RAI14: variants seen among roughly 807,000 people sequenced by gnomAD.
RAI14 encodes the protein ankycorbin.
Under a neutral mutation model 115.4 loss-of-function variants are expected in RAI14, and 45 were observed. The observed-to-expected ratio is 0.39, with a 90% CI of 0.31 to 0.50. RAI14 has a LOEUF of 0.50. Ranked by LOEUF, RAI14 falls within the 20% of genes least tolerant of loss-of-function variation. The probability of loss-of-function intolerance (pLI) is 0.85; values close to 1 mark genes in which losing one functional copy is unlikely to be tolerated. For synonymous variants in RAI14, 371 were observed against 415.4 expected, an observed-to-expected ratio of 0.89 and a Z score of 1.30; for missense variants, 939 against 1,131.2, an observed-to-expected ratio of 0.83 and a Z score of 2.44.
chr5:34,752,123 C>T (rs17593349), intron 2 of RAI14, among the ~76,000 whole-genome samples: 15,492 of 151,922 alleles, frequency 0.1, 929 homozygotes, highest in South Asian at 0.19. Context: ...AGGCTGGGCT[C>T]CTTAGTTGGG....
chr5:34,711,731 C>T (rs1340490197), intron 2 of RAI14, among the ~76,000 whole-genome samples: 2 of 152,194 alleles, frequency 1.3e-5, no homozygotes, highest in South Asian at 2.1e-4. Context: ...CAGACACCGA[C>T]TCTGACGTGA....
chr5:34,830,580 G>T, intron 17 of RAI14, 108 bp from the exon 18 acceptor site: 1 of 1,535,986 alleles, frequency 6.5e-7, no homozygotes, highest in South Asian at 1.2e-5. Flanking sequence ...TGAAAGATGT[G>T]GGAATTAGCC....
intron 2 of RAI14, among the ~76,000 whole-genome samples, chr5:34,754,559 C>T (rs577813262): frequency 9.9e-5 from 13 of 131,592 alleles, no homozygotes; most frequent in African/African-American, 3.2e-4. Context: ...CCCAACCTAG[C>T]TCTGCTTACT....
intron 2 of RAI14, among the ~76,000 whole-genome samples, chr5:34,711,273 A>G (rs368421593): frequency 1.3e-5 from 2 of 152,186 alleles, no homozygotes; most frequent in South Asian, 2.1e-4. Flanking sequence ...AGGTTTTGGG[A>G]TAGGCAGTGA....
intron 1 of RAI14, among the ~76,000 whole-genome samples, chr5:34,670,120 C>G (rs1037739721): frequency 6.6e-6 from 1 of 152,202 alleles, no homozygotes. Flanking sequence ...TTGGTCCATT[C>G]GTATTTCCTA....
chr5:34,784,723 T>C (rs1423905273), intron 3 of RAI14, among the ~76,000 whole-genome samples: 2 of 152,242 alleles, frequency 1.3e-5, no homozygotes, highest in East Asian at 3.8e-4. Flanking sequence ...TCTCTGGATC[T>C]ATTCTATTTA....
intron 4 of RAI14, among the ~76,000 whole-genome samples, chr5:34,796,847 TAC>T (rs746901045): frequency 2.6e-5 from 4 of 151,578 alleles, no homozygotes; most frequent in Non-Finnish European, 3.0e-5. Context: ...CACACACACA[TAC>T]ACACACACAC....
chr5:34,781,388 A>G (rs557143709), intron 3 of RAI14, among the ~76,000 whole-genome samples: 2 of 152,316 alleles, frequency 1.3e-5, no homozygotes, highest in East Asian at 1.9e-4. Context: ...TAAAAAAAGT[A>G]AAAGCTTATG....
At chr5:34,816,549 C>A (rs1756241989) in intron 12 of RAI14, among the ~76,000 whole-genome samples, 2 of 152,046 alleles carry the variant, frequency 1.3e-5, no homozygotes, top group East Asian at 1.9e-4. Flanking sequence ...CATTTAATAT[C>A]TGTTTAATAT....
chr5:34,704,294 A>T (rs528020456), intron 2 of RAI14, among the ~76,000 whole-genome samples: 1 of 152,338 alleles, frequency 6.6e-6, no homozygotes, highest in South Asian at 2.1e-4. Context: ...GAATAGAAAG[A>T]GGTTTAAATG....
intron 15 of RAI14, among the ~76,000 whole-genome samples, chr5:34,824,985 A>G (rs1051424123): frequency 2.0e-5 from 3 of 147,072 alleles, no homozygotes; most frequent in African/African-American, 7.5e-5. Context: ...TTTATTGGGT[A>G]TTTGTATTTT....
chr5:34,776,390 T>C (rs1750837753), intron 3 of RAI14, among the ~76,000 whole-genome samples: 1 of 152,222 alleles, frequency 6.6e-6, no homozygotes, highest in African/African-American at 2.4e-5. Flanking sequence ...ATAATTATTA[T>C]ACATTTTAAA....
Position 34,803,729 on chromosome 5 carries a change from C to G in RAI14, c.274C>G (p.Leu92Val). 1 of 1,611,554 alleles carries G rather than the reference C, an allele frequency of 6.2e-7. No homozygotes were observed. The highest frequency in any genetic ancestry group is 1.1e-5 in the South Asian group (1 of 90,344). The change falls in exon 5 of 18, where the codon CTC becomes GTC. Residue 92 changes from leucine (L) to valine (V), a missense_variant. Transcript: ENST00000265109. ...QDTTGHSALH[L>V]AAKNSHHECI... ...CCATTTAGGACACAGCGCCTTACAT[C>G]TCGCAGCCAAGAACAGCCACCATGA...
intron 1 of RAI14, among the ~76,000 whole-genome samples, chr5:34,670,061 G>A (rs190621010): frequency 6.6e-6 from 1 of 152,358 alleles, no homozygotes; most frequent in East Asian, 1.9e-4. Context: ...CAGTGAGGCA[G>A]GGGTGCGTGA....
intron 1 of RAI14, among the ~76,000 whole-genome samples, chr5:34,662,724 T>TTTTC (rs1240471683): frequency 7.4e-6 from 1 of 134,352 alleles, no homozygotes; most frequent in East Asian, 2.0e-4. Flanking sequence ...TAAACAGATT[T>TTTTC]TTTTTTTTTT....
At chr5:34,719,595 G>A (rs1742419838) in intron 2 of RAI14, among the ~76,000 whole-genome samples, 1 of 152,206 alleles carries the variant, frequency 6.6e-6, no homozygotes. Context: ...TCTTCCCTGA[G>A]TTACCGTGGT....
At position 34,818,381 on chromosome 5, in the gene RAI14, A is replaced by C. The variant is rs113291758; in HGVS notation, c.940-416A>C. Among the ~76,000 whole-genome samples, 291 of 152,338 alleles carry C rather than the reference A, an allele frequency of 1.9e-3. 1 individual carries two copies. The highest frequency in any genetic ancestry group is 6.7e-3 in the African/African-American group (279 of 41,582). ...TGATAAAGCTAAAAAATCTGCTTTA[A>C]AATATTTCAATCAATGTATAATGCA... On this transcript the variant is annotated intron_variant, in intron 12 of 17. Transcript: ENST00000265109.
intron 2 of RAI14, among the ~76,000 whole-genome samples, chr5:34,723,860 T>C (rs893428398): frequency 1.3e-5 from 2 of 152,230 alleles, no homozygotes; most frequent in Non-Finnish European, 2.9e-5. Flanking sequence ...ACGTGTGATA[T>C]AGGCTGTGGA....
Position 34,823,465 on chromosome 5 carries a change from T to C in RAI14, c.1623T>C (p.Asn541=). ...ATGTGCTAAAGCAGGATCTGCAGAA[T>C]GCATTAGAAGAAAGTGAAAGAAATA... ...EINVLKQDLQ[N]ALEESERNKE... is the part of the protein sequence containing the mutation. Residue 541 remains asparagine (N), a synonymous_variant, in exon 15 of 18, where the codon AAT becomes AAC. Coordinates refer to ENST00000265109, the MANE Select transcript of RAI14 (RefSeq NM_015577.3). This position sits in a 1 kb window ranked among gnomAD's most constrained non-coding sequence, Gnocchi z 4.5. The C allele has an allele frequency of 1.2e-6, 2 of 1,613,938 alleles. No individual in the cohort carries two copies. The highest frequency in any genetic ancestry group is 4.5e-5 in the East Asian group (2 of 44,876).
Sources: gnomAD v4.1 joint callset for allele counts (sites outside exome capture counted in the v4.1 genomes callset) on GRCh38, gnomAD v4.1.1 for gene constraint, Gnocchi (gnomAD v3.1) non-coding constraint, MANE v1.5 for transcripts, NCBI Gene and HGNC (gene_info 2026-07-23, HGNC 2026-07-21) for gene names.